Variants in EBF2 observed in about 807,000 individuals in gnomAD.
The protein encoded by EBF2 is transcription factor COE2.
In EBF2, 21 loss-of-function variants were observed where a neutral mutation model predicts 72.8. The ratio of observed to expected loss-of-function variants is 0.29; its 90% CI spans 0.20 to 0.42. The LOEUF (loss-of-function observed/expected upper bound fraction) is 0.42. EBF2 is among the 10% of genes least tolerant of loss of function. The pLI is 1.00. For synonymous variants in EBF2, 299 were observed against 274.2 expected, an observed-to-expected ratio of 1.09 and a Z score of -0.89; for missense variants, 637 against 731.2, an observed-to-expected ratio of 0.87 and a Z score of 1.49.
chr8:26,008,840 C>CAAAAA (rs61069458), intron 6 of EBF2, among the ~76,000 whole-genome samples: 160 of 114,556 alleles, frequency 1.4e-3, no homozygotes, highest in Non-Finnish European at 2.2e-3. Flanking sequence ...ATCAACCTCT[C>CAAAAA]AAAAAAAAAA....
chr8:25,990,385 A>C (rs969977885), intron 6 of EBF2, among the ~76,000 whole-genome samples: 3 of 152,204 alleles, frequency 2.0e-5, no homozygotes, highest in East Asian at 3.8e-4. Flanking sequence ...GCTTAAAATG[A>C]GCAATGTTCA....
intron 6 of EBF2, among the ~76,000 whole-genome samples, chr8:25,913,412 A>G (rs1803160737): frequency 6.6e-6 from 1 of 152,078 alleles, no homozygotes; most frequent in Non-Finnish European, 1.5e-5. Context: ...CTGCACTCCA[A>G]CCTGGTGACA....
At chr8:26,037,434 C>T (rs533472570) in intron 5 of EBF2, among the ~76,000 whole-genome samples, 15 of 152,308 alleles carry the variant, frequency 9.8e-5, no homozygotes, top group South Asian at 2.1e-4. Flanking sequence ...AAGCGCACAG[C>T]ATGGTGGCTT....
chr8:25,944,421 GT>G (rs1343569915), intron 6 of EBF2, among the ~76,000 whole-genome samples: 1 of 152,088 alleles, frequency 6.6e-6, no homozygotes, highest in Non-Finnish European at 1.5e-5. Flanking sequence ...AAGACTAGAA[GT>G]TTTTGCAGGC....
At chr8:25,845,648 A>C (rs1801818136) in intron 15 of EBF2, among the ~76,000 whole-genome samples, 1 of 152,190 alleles carries the variant, frequency 6.6e-6, no homozygotes, top group Non-Finnish European at 1.5e-5. Context: ...GTTTCCCTAG[A>C]TGTGGCAAAT....
Position 25,887,862 on chromosome 8 carries a change from T to A in EBF2, c.862A>T (p.Thr288Ser). 1 of 1,612,742 alleles carries A rather than the reference T, an allele frequency of 6.2e-7. No individual in the cohort carries two copies. Among genetic ancestry groups the A allele is most frequent in the Non-Finnish European group, 8.5e-7 (1 of 1,179,408 alleles). The change falls in exon 9 of 16, where the codon ACT (threonine) becomes TCT (serine). Residue 288 changes from threonine to serine, a missense_variant. Transcript: ENST00000520164. ...FFDGLQVVFG[T>S]MLVWSELITP... ...CTTACCTCGCTCCATACAAGCATAGTCCCAAACACCACTTGGAGACCATCA... is the reference window on the plus strand; with the variant it reads ...CTTACCTCGCTCCATACAAGCATAGACCCAAACACCACTTGGAGACCATCA...
At position 26,040,627 on chromosome 8, in the gene EBF2, C is replaced by T. The variant is rs1247833214; in HGVS notation, c.397G>A (p.Val133Ile). The T allele has an allele frequency of 6.4e-7, 1 of 1,553,344 alleles. No individual in the cohort carries two copies. Among genetic ancestry groups the T allele is most frequent in the Non-Finnish European group, 8.7e-7 (1 of 1,148,064 alleles). Reference protein sequence around the residue: ...QDLYVRLIDSVTKQPIAYEGQ... With the variant: ...QDLYVRLIDSITKQPIAYEGQ... ...GGCCTCCGGCTCACCTGCTTGGTGA[C>T]CGAGTCGATGAGCCTGACATAGAGG... Residue 133 changes from valine to isoleucine, a missense_variant, in exon 4 of 16, where the codon GTC becomes ATC. Val to Ile is a conservative substitution (Grantham distance 29). Coordinates refer to ENST00000520164, the MANE Select transcript of EBF2 (RefSeq NM_022659.4).
rs1406756427 is a variant in EBF2 at position 25,935,680 on chromosome 8, A to C, written c.552-27125T>G. The stretch of plus-strand genomic sequence containing the variant: ...ACTTGCATATGCACCAGTGTTCCTG[A>C]CCTTCCCCGCATCTCTGCTGAATGC... On this transcript the variant is annotated intron_variant, in intron 6 of 15. Transcript: ENST00000520164. Among the ~76,000 whole-genome samples the C allele has an allele frequency of 3.9e-5, 6 of 152,220 alleles. No homozygotes were observed. In the East Asian group the frequency reaches 1.2e-3, roughly 29 times the overall value.
chr8:25,852,395 G>A (rs1802000617), intron 14 of EBF2, among the ~76,000 whole-genome samples: 1 of 152,090 alleles, frequency 6.6e-6, no homozygotes, highest in African/African-American at 2.4e-5. Context: ...GACTTAGGAG[G>A]CCCTGATTCT....
At chr8:25,961,419 A>G (rs1804032066) in intron 6 of EBF2, among the ~76,000 whole-genome samples, 1 of 152,174 alleles carries the variant, frequency 6.6e-6, no homozygotes. Context: ...ACTGGAGTGC[A>G]GTGGCGCGAT....
intron 13 of EBF2, among the ~76,000 whole-genome samples, chr8:25,859,734 T>TTTTTTTTTTTTTTTG (rs1183390975): frequency 4.6e-5 from 7 of 151,106 alleles, no homozygotes; most frequent in Admixed American, 1.3e-4. Flanking sequence ...TTTTTTTTTT[T>TTTTTTTTTTTTTTTG]GAGACAAGAT....
At chr8:25,862,940 T>G (rs1802236065) in intron 10 of EBF2, 143 bp from the exon 11 acceptor site, 2 of 389,438 alleles carry the variant, frequency 5.1e-6, no homozygotes, top group Non-Finnish European at 8.9e-6. Context: ...CATTGGTTAA[T>G]TCACATATAA....
intron 7 of EBF2, among the ~76,000 whole-genome samples, chr8:25,894,570 G>A (rs1477031704): frequency 2.0e-5 from 3 of 151,862 alleles, no homozygotes; most frequent in Non-Finnish European, 2.9e-5. Context: ...CCCCCTTCTC[G>A]TTTTCCCCCT....
intron 6 of EBF2, among the ~76,000 whole-genome samples, chr8:26,004,689 A>G (rs1000311088): frequency 7.9e-5 from 12 of 151,398 alleles, no homozygotes; most frequent in African/African-American, 2.9e-4. Context: ...AAAAAAAAAA[A>G]AAAAAAAAAA....
intron 1 of EBF2, among the ~76,000 whole-genome samples, chr8:26,042,785 C>T (rs944428975): frequency 7.2e-5 from 11 of 152,318 alleles, no homozygotes; most frequent in African/African-American, 1.9e-4. Flanking sequence ...CAAATGCTGA[C>T]TGGGAAAGGT....
chr8:26,042,248 C>G lies in EBF2; in HGVS notation c.135G>C (p.Gly45=), dbSNP rs1352835050. Residue 45 remains glycine, a synonymous_variant, in exon 2 of 16, where the codon GGG becomes GGC. Coordinates refer to ENST00000520164, the MANE Select transcript of EBF2 (RefSeq NM_022659.4). ...CAAAGTGGGCCCGGGACAGGGCGAC[C>G]CCGCTGCACAGGGAGAAAAACGGGG... is the stretch of plus-strand genomic sequence containing the variant. ...VVDANVAAQS[G]VALSRAHFEK... is the part of the protein sequence containing the mutation. 6 of 1,612,494 alleles carry G rather than the reference C, an allele frequency of 3.7e-6. No individual in the cohort carries two copies. Among genetic ancestry groups the G allele is most frequent in the South Asian group, 1.1e-5 (1 of 90,930 alleles).
chr8:25,964,356 T>C (rs1318618116), intron 6 of EBF2, among the ~76,000 whole-genome samples: 2 of 152,046 alleles, frequency 1.3e-5, no homozygotes, highest in Admixed American at 6.5e-5. Context: ...ACGTTTAGGA[T>C]TGGTTTTCTT....
intron 6 of EBF2, among the ~76,000 whole-genome samples, chr8:25,941,088 T>C (rs546688051): frequency 2.0e-5 from 3 of 152,298 alleles, no homozygotes; most frequent in South Asian, 2.1e-4. Flanking sequence ...ATTGGGAGTA[T>C]GACATCAAAT....
intron 7 of EBF2, among the ~76,000 whole-genome samples, chr8:25,901,521 G>C (rs968557437): frequency 1.3e-5 from 2 of 151,506 alleles, no homozygotes; most frequent in African/African-American, 4.9e-5. Flanking sequence ...TAATATACAC[G>C]CTTGTGCTGC....
Sources: gnomAD v4.1 joint callset for allele counts (sites outside exome capture counted in the v4.1 genomes callset) on GRCh38, gnomAD v4.1.1 for gene constraint, MANE v1.5 for transcripts, NCBI Gene and HGNC (gene_info 2026-07-23, HGNC 2026-07-21) for gene names.